ATP9A: variants seen among roughly 807,000 people sequenced by gnomAD.
ATP9A encodes ATPase phospholipid transporting 9A.
Under a neutral mutation model 144.1 loss-of-function variants are expected in ATP9A, and 52 were observed. The observed-to-expected ratio is 0.36, with a 90% CI of 0.29 to 0.45. The LOEUF is 0.45. Ranked by LOEUF, ATP9A falls within the 20% of genes least tolerant of loss-of-function variation. The pLI is 1.00. For missense variants in ATP9A, 947 were observed against 1,392.7 expected, an observed-to-expected ratio of 0.68 and a Z score of 5.09; for synonymous variants, 582 against 557.4, an observed-to-expected ratio of 1.04 and a Z score of -0.62.
chr20:51,739,508 T>G (rs978904697), intron 1 of ATP9A, among the ~76,000 whole-genome samples: 12 of 151,626 alleles, frequency 7.9e-5, no homozygotes, highest in Admixed American at 2.0e-4. Context: ...CCCGCCACCA[T>G]GCCCGGCTAA....
rs575244149 is a variant in ATP9A at position 51,611,509 on chromosome 20, T to C, written c.2572-1344A>G. Among the ~76,000 whole-genome samples the C allele has an allele frequency of 2.6e-5, 4 of 152,360 alleles. No individual in the cohort carries two copies. The East Asian group carries it at 7.7e-4, about 29-fold the overall frequency. Reference sequence around the variant, plus strand: ...GGAAAAATAAAAACACTGTGTTCTCTGACAGACTCATGTCCCGGTGCAATT... The same window carrying C: ...GGAAAAATAAAAACACTGTGTTCTCCGACAGACTCATGTCCCGGTGCAATT... On this transcript the variant is annotated intron_variant, in intron 23 of 27. Coordinates refer to ENST00000338821, the MANE Select transcript of ATP9A (RefSeq NM_006045.3). This position sits in a 1 kb window ranked among gnomAD's most constrained non-coding sequence, Gnocchi z 4.2.
At chr20:51,636,798 A>T (rs534849204) in intron 15 of ATP9A, among the ~76,000 whole-genome samples, 1 of 152,366 alleles carries the variant, frequency 6.6e-6, no homozygotes, top group East Asian at 1.9e-4. Flanking sequence ...ATCACTTAGA[A>T]CAGCCTCTGG....
At chr20:51,709,577 AT>A (rs1402466342) in intron 4 of ATP9A, among the ~76,000 whole-genome samples, 7 of 152,242 alleles carry the variant, frequency 4.6e-5, no homozygotes, top group African/African-American at 1.7e-4. Context: ...AAAAATAGAA[AT>A]TTAGCAGGGC....
chr20:51,664,126 T>A (rs994648452), intron 13 of ATP9A, among the ~76,000 whole-genome samples: 1 of 152,068 alleles, frequency 6.6e-6, no homozygotes, highest in Non-Finnish European at 1.5e-5. Flanking sequence ...GCAAGTCTCC[T>A]GCCTCAGCCT....
intron 3 of ATP9A, among the ~76,000 whole-genome samples, chr20:51,715,044 C>A (rs563930722): frequency 1.3e-5 from 2 of 152,312 alleles, no homozygotes; most frequent in Non-Finnish European, 2.9e-5. Context: ...CTTCCCCTAT[C>A]CCCTTTTAAA....
chr20:51,659,466 T>G (rs1457366098), intron 13 of ATP9A, among the ~76,000 whole-genome samples: 2 of 152,200 alleles, frequency 1.3e-5, no homozygotes, highest in East Asian at 3.8e-4. Context: ...GACATGCATT[T>G]TTTTTCATTT....
intron 13 of ATP9A, among the ~76,000 whole-genome samples, chr20:51,665,107 A>T (rs1448913916): frequency 4.8e-5 from 7 of 147,128 alleles, no homozygotes; most frequent in Non-Finnish European, 1.1e-4. Context: ...CTACAACCGG[A>T]AGAACCTTGC....
intron 7 of ATP9A, among the ~76,000 whole-genome samples, chr20:51,692,902 G>C (rs1601108596): frequency 6.6e-6 from 1 of 152,268 alleles, no homozygotes; most frequent in Middle Eastern, 3.4e-3. Context: ...TTCATAGGGT[G>C]GCTACATTTC....
At chr20:51,708,849 G>A (rs560742048) in intron 4 of ATP9A, among the ~76,000 whole-genome samples, 8 of 152,252 alleles carry the variant, frequency 5.3e-5, no homozygotes, top group South Asian at 4.2e-4. Context: ...TGTCCTCTTC[G>A]AAATGTCAAG....
intron 4 of ATP9A, among the ~76,000 whole-genome samples, chr20:51,704,523 G>A (rs949680636): frequency 6.6e-6 from 1 of 152,210 alleles, no homozygotes; most frequent in Admixed American, 6.5e-5. Flanking sequence ...GCTCAGGCCT[G>A]TAATCCCAGC....
rs1355732789 is a variant in ATP9A at position 51,597,537 on chromosome 20, C to T, written c.*3674G>A. ...CATCATTCTCTCGCTCTTTCACACA[C>T]ACACACACCCCCCACACACTTCAAA... On this transcript the variant is annotated 3_prime_UTR_variant, in exon 28 of 28. Coordinates refer to ENST00000338821, the MANE Select transcript of ATP9A (RefSeq NM_006045.3). The T allele has an allele frequency of 1.3e-5, 2 of 152,134 alleles. No homozygotes were observed. Among genetic ancestry groups the T allele is most frequent in the African/African-American group, 4.8e-5 (2 of 41,414 alleles). 9.4% of individuals were successfully genotyped at this position (152,134 alleles called of 1,614,324 possible).
Position 51,634,855 on chromosome 20 carries a change from C to CAAAAA in ATP9A, c.1668+4483_1668+4487dup, listed in dbSNP as rs74175564. On this transcript the variant is annotated intron_variant, in intron 15 of 27. Transcript: ENST00000338821. ...GGGAAACAAAAACAAAACTCCATCT[C>CAAAAA]AAAAAAAAAAAAAATCCCCTAACGT... Among the ~76,000 whole-genome samples, 9 of 109,850 alleles carry CAAAAA rather than the reference C, an allele frequency of 8.2e-5. 1 individual carries two copies. Among genetic ancestry groups the CAAAAA allele is most frequent in the Admixed American group, 2.1e-4 (2 of 9,628 alleles). The allele number at this position is 109,850 out of a possible 152,430, so 72.1% of individuals were successfully genotyped here.
chr20:51,747,844 T>C (rs1363711332), intron 1 of ATP9A, among the ~76,000 whole-genome samples: 1 of 152,158 alleles, frequency 6.6e-6, no homozygotes, highest in African/African-American at 2.4e-5. Flanking sequence ...CCTTTTCATC[T>C]CTGCTGTCCC....
At chr20:51,658,821 C>T (rs983638283) in intron 13 of ATP9A, among the ~76,000 whole-genome samples, 1 of 141,356 alleles carries the variant, frequency 7.1e-6, no homozygotes, top group Non-Finnish European at 1.5e-5. Context: ...TGCCCGACCC[C>T]CACCTAGGCT....
chr20:51,627,709 G>A, intron 16 of ATP9A, 26 bp from the exon 17 acceptor site: 1 of 1,604,472 alleles, frequency 6.2e-7, no homozygotes, highest in South Asian at 1.1e-5. Flanking sequence ...CGGTCGAGTG[G>A]GAGCGGTGCT....
chr20:51,751,169 G>A (rs1415263822), intron 1 of ATP9A, among the ~76,000 whole-genome samples: 1 of 151,808 alleles, frequency 6.6e-6, no homozygotes, highest in African/African-American at 2.4e-5. Context: ...TACCCTCACT[G>A]AAGCCCATTG....
intron 1 of ATP9A, among the ~76,000 whole-genome samples, chr20:51,731,262 G>A (rs1424746828): frequency 6.6e-6 from 1 of 150,764 alleles, no homozygotes; most frequent in Non-Finnish European, 1.5e-5. Flanking sequence ...TATTGCCACT[G>A]CACTCCAGCC....
At chr20:51,659,352 G>C (rs1406272551) in intron 13 of ATP9A, among the ~76,000 whole-genome samples, 1 of 152,202 alleles carries the variant, frequency 6.6e-6, no homozygotes, top group East Asian at 1.9e-4. Context: ...ACTCATCACT[G>C]TATTCCTAGT....
intron 1 of ATP9A, among the ~76,000 whole-genome samples, chr20:51,746,715 T>C (rs2077809843): frequency 6.6e-6 from 1 of 152,210 alleles, no homozygotes; most frequent in Admixed American, 6.5e-5. Context: ...GGGGGACACC[T>C]GTAGTCCCAG....
Sources: allele counts gnomAD v4.1 joint callset (sites outside exome capture counted in the v4.1 genomes callset), GRCh38; gene constraint gnomAD v4.1.1; non-coding constraint Gnocchi (gnomAD v3.1); transcripts MANE v1.5; gene names NCBI Gene and HGNC (gene_info 2026-07-23, HGNC 2026-07-21).